The following EPHA4 variants were observed in gnomAD, a reference collection of about 807,000 sequenced individuals.
The protein encoded by EPHA4 is EPH receptor A4, also known as ephrin type-A receptor 4.
Under a neutral mutation model 108.3 loss-of-function variants are expected in EPHA4, and 19 were observed. The ratio of observed to expected loss-of-function variants is 0.18; its 90% confidence interval spans 0.12 to 0.26. The LOEUF is 0.26. EPHA4 is among the 10% of genes least tolerant of loss of function. EPHA4 has a pLI of 1.00. For synonymous variants in EPHA4, 449 were observed against 455.5 expected (o/e 0.99, Z 0.18); for missense variants, 917 against 1,254.0 (o/e 0.73, Z 4.06).
chr2:221,547,351 A>T (rs547785138), intron 3 of EPHA4, among the ~76,000 whole-genome samples: 2 of 152,218 alleles, frequency 1.3e-5, no homozygotes, highest in African/African-American at 2.4e-5. Flanking sequence ...GAAATCCAAA[A>T]CTTCTCATTT....
chr2:221,486,818 G>T (rs556109824), intron 4 of EPHA4, among the ~76,000 whole-genome samples: 1 of 150,842 alleles, frequency 6.6e-6, no homozygotes, highest in Non-Finnish European at 1.5e-5. Flanking sequence ...ATGGTTCCTC[G>T]TTCAGAAATT....
rs571278038 is a variant in EPHA4 at position 221,444,363 on chromosome 2, A to G, written c.1775-757T>C. 8.9e-4 allele frequency among the ~76,000 whole-genome samples: 135 copies of G among 152,282 alleles called. 1 individual carries two copies. Among genetic ancestry groups the G allele is most frequent in the Middle Eastern group, 3.4e-3 (1 of 294 alleles). ...ATATCTGGGCCAAGAGGCAGAAGTC[A>G]TTGTAAAAAGCTTTGTCCTGGCACT... is the stretch of plus-strand genomic sequence containing the variant. On this transcript the variant is annotated intron_variant, in intron 9 of 17. Coordinates refer to ENST00000281821, the MANE Select transcript of EPHA4 (RefSeq NM_004438.5).
intron 3 of EPHA4, among the ~76,000 whole-genome samples, chr2:221,561,098 C>T (rs7586723): frequency 0.3 from 45,464 of 151,560 alleles, 7,212 homozygotes; most frequent in African/African-American, 0.4. Context: ...AAAAATTAGC[C>T]AGGCGTGGTG....
At chr2:221,572,469 C>G, upstream of EPHA4, 1 of 338,158 alleles carries the variant, frequency 3.0e-6, no homozygotes, top group Non-Finnish European at 5.3e-6. Flanking sequence ...CCTCCGGGCT[C>G]CACGGGGCGC....
At chr2:221,491,288 A>C (rs1421814181) in intron 4 of EPHA4, among the ~76,000 whole-genome samples, 1 of 152,230 alleles carries the variant, frequency 6.6e-6, no homozygotes, top group African/African-American at 2.4e-5. Flanking sequence ...TTTTAAAATT[A>C]TCTAGCCTGT....
At chr2:221,473,378 C>T (rs1691551585) in intron 5 of EPHA4, among the ~76,000 whole-genome samples, 1 of 151,504 alleles carries the variant, frequency 6.6e-6, no homozygotes, top group Admixed American at 6.6e-5. Context: ...TACAGGATAC[C>T]CTCTTATTGT....
chr2:221,518,686 T>C (rs1277455009), intron 3 of EPHA4, among the ~76,000 whole-genome samples: 2 of 152,238 alleles, frequency 1.3e-5, no homozygotes, highest in African/African-American at 4.8e-5. Context: ...TCTGTTCCTA[T>C]GTTTTCTGTT....
rs1174628838 is a variant in EPHA4 at position 221,572,257 on chromosome 2, G to T, written c.-9C>A. The T allele has an allele frequency of 3.7e-6, 6 of 1,611,634 alleles. No individual in the cohort carries two copies. The highest frequency in any genetic ancestry group is 5.1e-6 in the Non-Finnish European group (6 of 1,177,866). ...TAGAAAATCCCAGCCATGGTTCGCC[G>T]GTGCCAACGCTGCTCCTGCCGCTTC... is the stretch of plus-strand genomic sequence containing the variant. On this transcript the variant is annotated 5_prime_UTR_variant, in exon 1 of 18. Transcript: ENST00000281821.
intron 3 of EPHA4, among the ~76,000 whole-genome samples, chr2:221,534,427 G>T (rs1296301046): frequency 1.3e-5 from 2 of 152,112 alleles, no homozygotes; most frequent in Non-Finnish European, 2.9e-5. Context: ...ACCTGCAAGT[G>T]CTCCAAGTTC....
intron 3 of EPHA4, among the ~76,000 whole-genome samples, chr2:221,540,400 A>G (rs192445516): frequency 8.5e-5 from 13 of 152,344 alleles, no homozygotes; most frequent in Admixed American, 4.6e-4. Context: ...AGAAGGAAAC[A>G]GGATTACTAT....
chr2:221,519,697 A>C (rs542777451), intron 3 of EPHA4, among the ~76,000 whole-genome samples: 4 of 152,286 alleles, frequency 2.6e-5, no homozygotes, highest in Admixed American at 2.6e-4. Flanking sequence ...GGATGATATT[A>C]ATGTTTCTGC....
intron 3 of EPHA4, among the ~76,000 whole-genome samples, chr2:221,518,199 T>A (rs1262150192): frequency 6.6e-6 from 1 of 152,144 alleles, no homozygotes; most frequent in East Asian, 1.9e-4. Context: ...TGCTTCCCCC[T>A]CCCCACTCCA....
chr2:221,492,085 A>G lies in EPHA4; in HGVS notation c.979+8932T>C, dbSNP rs538138822. Reference sequence around the variant, plus strand: ...GTAATTAACCTTGTTTCATAGAAGCATGCTGTGAATAACCACTGTATGACT... The same window carrying G: ...GTAATTAACCTTGTTTCATAGAAGCGTGCTGTGAATAACCACTGTATGACT... On this transcript the variant is annotated intron_variant, in intron 4 of 17. Coordinates refer to ENST00000281821, the MANE Select transcript of EPHA4 (RefSeq NM_004438.5). Among the ~76,000 whole-genome samples the G allele has an allele frequency of 1.6e-3, 243 of 152,346 alleles. 4 individuals carry two copies. The highest frequency in any genetic ancestry group is 0.014 in the Middle Eastern group (4 of 294).
chr2:221,476,537 A>G (rs1268553848), intron 5 of EPHA4, among the ~76,000 whole-genome samples: 1 of 152,238 alleles, frequency 6.6e-6, no homozygotes, highest in Non-Finnish European at 1.5e-5. Flanking sequence ...TACTAGTCTG[A>G]CATTTGTAAT....
In EPHA4 at chr2:221,436,425, C is replaced by T. The variant is rs1324152290; in HGVS notation, c.2320G>A (p.Asp774Asn). The T allele has an allele frequency of 2.5e-5, 41 of 1,614,086 alleles. No individual in the cohort carries two copies. The highest frequency in any genetic ancestry group is 3.4e-5 in the Non-Finnish European group (40 of 1,180,038). The change falls in exon 13 of 18, where the codon GAT becomes AAT. Residue 774 changes from aspartate to asparagine, a missense_variant. Physicochemically the swap from Asp to Asn is conservative, Grantham distance 23. Around this residue, in one of 3 missense-constraint regions of EPHA4, gnomAD observed 758 missense variants for 1,076.7 expected, o/e 0.70. Coordinates refer to ENST00000281821, the MANE Select transcript of EPHA4 (RefSeq NM_004438.5). ...CTGGTGGTGTAAGCTGCTTCCGGATCATCCTCAAGCACTCGGGACATGCCA... is the reference window on the plus strand; with the variant it reads ...CTGGTGGTGTAAGCTGCTTCCGGATTATCCTCAAGCACTCGGGACATGCCA... Reference protein sequence around the residue: ...DFGMSRVLEDDPEAAYTTRGG... With the variant: ...DFGMSRVLEDNPEAAYTTRGG...
intron 15 of EPHA4, among the ~76,000 whole-genome samples, chr2:221,428,260 AC>A (rs1364561376): frequency 6.6e-6 from 1 of 152,230 alleles, no homozygotes; most frequent in Non-Finnish European, 1.5e-5. Context: ...ATGTCAATTA[AC>A]TTTAAGGGTG....
intron 8 of EPHA4, among the ~76,000 whole-genome samples, chr2:221,449,689 C>T (rs943186658): frequency 6.6e-6 from 1 of 152,050 alleles, no homozygotes; most frequent in African/African-American, 2.4e-5. Flanking sequence ...CTTGACTATT[C>T]AATATAACAA....
intron 9 of EPHA4, among the ~76,000 whole-genome samples, chr2:221,444,251 G>A (rs1690517769): frequency 6.6e-6 from 1 of 152,158 alleles, no homozygotes; most frequent in Non-Finnish European, 1.5e-5. Context: ...AAGCATTGTA[G>A]CCTAGACATC....
chr2:221,569,526 C>T (rs1342401506), intron 1 of EPHA4: 1 of 152,132 alleles, frequency 6.6e-6, no homozygotes, highest in Non-Finnish European at 1.5e-5. Context: ...TTGTGCTACA[C>T]CTGAGTGCGT....
Sources: gnomAD v4.1 joint callset for allele counts (sites outside exome capture counted in the v4.1 genomes callset) on GRCh38, gnomAD v4.1.1 for gene constraint, gnomAD v4.1.1 regional missense constraint, MANE v1.5 for transcripts, NCBI Gene and HGNC (gene_info 2026-07-23, HGNC 2026-07-21) for gene names.